The following ARAP2 variants were observed in gnomAD, a reference collection of about 807,000 sequenced individuals.
ARAP2 encodes the protein arf-GAP with Rho-GAP domain, ANK repeat and PH domain-containing protein 2.
Under a neutral mutation model 194.5 loss-of-function variants are expected in ARAP2, and 148 were observed. The observed-to-expected ratio is 0.76, with a 90% CI of 0.67 to 0.87. The LOEUF (loss-of-function observed/expected upper bound fraction) is 0.87. Among genes scored for constraint, ARAP2 ranks in the 40% least tolerant of loss-of-function variants. The pLI is 0.00. For synonymous variants in ARAP2, 695 were observed against 683.5 expected, an observed-to-expected ratio of 1.02 and a Z score of -0.26; for missense variants, 2,128 against 1,989.7, an observed-to-expected ratio of 1.07 and a Z score of -1.32.
intron 19 of ARAP2, among the ~76,000 whole-genome samples, chr4:36,145,278 C>G (rs1295774664): frequency 2.0e-5 from 3 of 151,930 alleles, no homozygotes; most frequent in African/African-American, 7.2e-5. Context: ...GGAATCAACT[C>G]AAGTGCCGAT....
intron 8 of ARAP2, among the ~76,000 whole-genome samples, chr4:36,181,622 A>G (rs539867852): frequency 3.9e-5 from 6 of 152,326 alleles, no homozygotes; most frequent in African/African-American, 1.4e-4. Context: ...GAAATTCCTG[A>G]TCAATATCAG....
rs145215569 is a variant in ARAP2, at chr4:36,185,440, T to G, written c.1678+2011A>C. Among the ~76,000 whole-genome samples the G allele has an allele frequency of 2.3e-3, 355 of 152,214 alleles. 3 individuals are homozygous for G. Among genetic ancestry groups the G allele is most frequent in the African/African-American group, 8.0e-3 (331 of 41,532 alleles). ...TAAACCACTAAGTTGATCTCAGTAA[T>G]CCACAGTTTGAACAAAGCTGCTCCA... On this transcript the variant is annotated intron_variant, in intron 8 of 32. Transcript: ENST00000303965.
chr4:36,137,013 C>T (rs1352625706), intron 19 of ARAP2, among the ~76,000 whole-genome samples: 1 of 151,608 alleles, frequency 6.6e-6, no homozygotes, highest in African/African-American at 2.4e-5. Flanking sequence ...TATCAAAGAT[C>T]TAAAATGTTT....
At chr4:36,041,351 C>G (rs1720839310) in intron 5 of ARAP2, among the ~76,000 whole-genome samples, 1 of 151,878 alleles carries the variant, frequency 6.6e-6, no homozygotes, top group Non-Finnish European at 1.5e-5. Context: ...TATACAAGCC[C>G]ATTAAAAAGA....
chr4:36,126,302 A>C (rs969442226), intron 21 of ARAP2, among the ~76,000 whole-genome samples: 3 of 152,054 alleles, frequency 2.0e-5, no homozygotes, highest in Non-Finnish European at 4.4e-5. Flanking sequence ...TACTACGCTT[A>C]AAACAAAAAG....
chr4:36,083,133 T>C (rs1022020585), intron 29 of ARAP2, among the ~76,000 whole-genome samples: 1 of 152,056 alleles, frequency 6.6e-6, no homozygotes, highest in Non-Finnish European at 1.5e-5. Flanking sequence ...ACAGAGAGAT[T>C]GCAATCACCA....
At chr4:36,198,908 A>T (rs963874903) in intron 6 of ARAP2, among the ~76,000 whole-genome samples, 1 of 152,056 alleles carries the variant, frequency 6.6e-6, no homozygotes. Flanking sequence ...GAGCACAGGG[A>T]GGCCTGGACT....
At chr4:36,033,250 TCTAA>T (rs753439707) in intron 5 of ARAP2, among the ~76,000 whole-genome samples, 3 of 152,114 alleles carry the variant, frequency 2.0e-5, no homozygotes, top group Non-Finnish European at 4.4e-5. Context: ...GAATTGCCAT[TCTAA>T]CTATCAATAA....
intron 2 of ARAP2, among the ~76,000 whole-genome samples, chr4:36,227,735 G>A (rs964144586): frequency 2.0e-5 from 3 of 152,076 alleles, no homozygotes; most frequent in Admixed American, 1.3e-4. Flanking sequence ...GAACAGCCTC[G>A]TGTCTCAGCA....
intron 9 of ARAP2, among the ~76,000 whole-genome samples, chr4:36,009,889 G>GT (rs58397729): frequency 2.3e-5 from 3 of 133,004 alleles, no homozygotes; most frequent in African/African-American, 5.6e-5. Flanking sequence ...TTGGCGGGGG[G>GT]TAGGGGGGTG....
At chr4:36,203,104 T>C (rs1744757330) in intron 6 of ARAP2, among the ~76,000 whole-genome samples, 2 of 152,344 alleles carry the variant, frequency 1.3e-5, no homozygotes, top group African/African-American at 2.4e-5. Flanking sequence ...TACTTCTCAC[T>C]GTTGGAAAAC....
chr4:36,156,354 A>AGAGAGAGAGAGGGAGG (rs1553923175), intron 15 of ARAP2, among the ~76,000 whole-genome samples: 17 of 41,396 alleles, frequency 4.1e-4, no homozygotes, highest in African/African-American at 1.7e-3. Flanking sequence ...AGAGAGAGAG[A>AGAGAGAGAGAGGGAGG]GAGGGAGGGA....
chr4:36,096,376 A>G (rs1273422660), intron 27 of ARAP2, among the ~76,000 whole-genome samples: 1 of 151,186 alleles, frequency 6.6e-6, no homozygotes, highest in Non-Finnish European at 1.5e-5. Flanking sequence ...AAAAAAAAAA[A>G]AAAAGAAAAA....
chr4:36,181,430 C>T (rs1338003934), intron 8 of ARAP2, among the ~76,000 whole-genome samples: 4 of 151,822 alleles, frequency 2.6e-5, no homozygotes, highest in African/African-American at 7.3e-5. Context: ...TAAGAAAAAT[C>T]GAGACAATAT....
chr4:36,225,756 T>C lies in ARAP2; in HGVS notation c.905+2826A>G, dbSNP rs1750166843. ...TGTCAGGAAAAGACTGCAAAGTCAA[T>C]ATCCACATTCCTTTGAGCAGCTGTA... On this transcript the variant is annotated intron_variant, in intron 2 of 32. Transcript: ENST00000303965. Among the ~76,000 whole-genome samples, 3 of 152,218 alleles carry C rather than the reference T, an allele frequency of 2.0e-5. No homozygotes were observed. In the South Asian group the frequency reaches 6.2e-4, roughly 32 times the overall value.
intron 9 of ARAP2, among the ~76,000 whole-genome samples, chr4:36,171,800 T>C (rs1164751610): frequency 1.3e-5 from 2 of 152,214 alleles, no homozygotes; most frequent in African/African-American, 4.8e-5. Flanking sequence ...TAGTATCTAT[T>C]TAAAACTTAA....
In ARAP2 at chr4:36,122,532, T is replaced by C. The variant is rs148431964; in HGVS notation, c.3747-1206A>G. Among the ~76,000 whole-genome samples, 605 of 151,820 alleles carry C rather than the reference T, an allele frequency of 4.0e-3. 7 individuals carry two copies. The highest frequency in any genetic ancestry group is 0.014 in the African/African-American group (567 of 41,498). On this transcript the variant is annotated intron_variant, in intron 22 of 32. Transcript: ENST00000303965. Reference sequence around the variant, plus strand: ...CACAGGAACAGAAAACCAAATACTGTATATTCTCACTTATAAGTGGGAGCT... The same window carrying C: ...CACAGGAACAGAAAACCAAATACTGCATATTCTCACTTATAAGTGGGAGCT...
At position 36,184,597 on chromosome 4, in the gene ARAP2, T is replaced by C. The variant is rs60406800; in HGVS notation, c.1678+2854A>G. ...CACTTTTTAAACATGTGTGGATTGG[T>C]ACACTCTACTTAAATAAAACGTGTC... On this transcript the variant is annotated intron_variant, in intron 8 of 32. Coordinates refer to ENST00000303965, the MANE Select transcript of ARAP2 (RefSeq NM_015230.4). Among the ~76,000 whole-genome samples the C allele has an allele frequency of 4.3e-3, 658 of 152,342 alleles. 4 individuals carry two copies. The highest frequency in any genetic ancestry group is 0.015 in the African/African-American group (616 of 41,584).
rs1396579684 is a variant in ARAP2 at position 36,193,588 on chromosome 4, T to C, written c.1547A>G (p.Asn516Ser). ...KFDGLSISYYNNEKEMYSKGI... is the reference protein window; with the variant it reads ...KFDGLSISYYSNEKEMYSKGI... ...GTAAAATGTATTTACCTTCTCATTATTGTAGTAAGAAATGCTAAGGCCATC... is the reference window on the plus strand; with the variant it reads ...GTAAAATGTATTTACCTTCTCATTACTGTAGTAAGAAATGCTAAGGCCATC... Residue 516 changes from asparagine to serine, a missense_variant, in exon 7 of 33, where the codon AAT becomes AGT. By Grantham distance (46) the Asn-to-Ser change is conservative. Coordinates refer to ENST00000303965, the MANE Select transcript of ARAP2 (RefSeq NM_015230.4). 2 of 1,589,890 alleles carry C rather than the reference T, an allele frequency of 1.3e-6. No homozygotes were observed. Among genetic ancestry groups the C allele is most frequent in the Admixed American group, 1.8e-5 (1 of 56,296 alleles).
Sources: allele counts gnomAD v4.1 joint callset (sites outside exome capture counted in the v4.1 genomes callset), GRCh38; gene constraint gnomAD v4.1.1; transcripts MANE v1.5; gene names NCBI Gene and HGNC (gene_info 2026-07-23, HGNC 2026-07-21).